The following ZCWPW2 variants were observed in gnomAD, a reference collection of about 807,000 sequenced individuals.
The protein encoded by ZCWPW2 is zinc finger CW-type and PWWP domain containing 2, also known as zinc finger CW-type PWWP domain protein 2.
ZCWPW2 carries 45 observed loss-of-function variants against 46.6 expected under a neutral mutation model. That is an observed-to-expected ratio of 0.96 (90% CI 0.76 to 1.24). The LOEUF is 1.24. Among genes scored for constraint, ZCWPW2 ranks in the 50% most tolerant of loss-of-function variants. The pLI, the probability that ZCWPW2 is intolerant of heterozygous loss-of-function variation, is 0.00. For missense variants in ZCWPW2, 429 were observed against 403.9 expected, an observed-to-expected ratio of 1.06 and a Z score of -0.53; for synonymous variants, 152 against 137.1, an observed-to-expected ratio of 1.11 and a Z score of -0.76.
chr3:28,484,713 C>T (rs1020569551), intron 5 of ZCWPW2, among the ~76,000 whole-genome samples: 1 of 149,802 alleles, frequency 6.7e-6, no homozygotes, highest in African/African-American at 2.5e-5. Flanking sequence ...TCCCTTCTTC[C>T]CTTCCTTTCT....
rs1328564102 is a variant in ZCWPW2 at position 28,365,448 on chromosome 3, T to G, written c.-134+16245T>G. On this transcript the variant is annotated intron_variant, in intron 1 of 9. Transcript: ENST00000383768. The stretch of plus-strand genomic sequence containing the variant: ...TTTTTGTCAGGTTTGTCAAAGATCA[T>G]ATGGTTGTAGATATGCAGCATTATT... Among the ~76,000 whole-genome samples the G allele has an allele frequency of 2.1e-5, 3 of 140,736 alleles. 1 individual carries two copies. The Admixed American group carries it at 2.3e-4, about 11-fold the overall frequency. The allele number at this position is 140,736 out of a possible 152,430, so 92.3% of individuals were successfully genotyped here.
At chr3:28,390,475 A>G in intron 1 of ZCWPW2, 23 bp from the exon 2 acceptor site, 36 of 985,060 alleles carry the variant, frequency 3.7e-5, no homozygotes, top group Non-Finnish European at 4.2e-5. Context: ...TAAATTTGCT[A>G]GATTGATGTA....
chr3:28,453,992 C>A (rs1482906202), intron 4 of ZCWPW2, among the ~76,000 whole-genome samples: 1 of 151,426 alleles, frequency 6.6e-6, no homozygotes, highest in Non-Finnish European at 1.5e-5. Context: ...CTACAGGCAC[C>A]CGCCACCACG....
At chr3:28,480,636 C>G (rs1699393596) in intron 5 of ZCWPW2, among the ~76,000 whole-genome samples, 1 of 152,074 alleles carries the variant, frequency 6.6e-6, no homozygotes, top group African/African-American at 2.4e-5. Context: ...TTGGTGTCTT[C>G]ATTGTGAAAT....
At chr3:28,411,884 C>G (rs1258076925) in intron 2 of ZCWPW2, among the ~76,000 whole-genome samples, 1 of 152,142 alleles carries the variant, frequency 6.6e-6, no homozygotes, top group Non-Finnish European at 1.5e-5. Context: ...CAGTGTTACA[C>G]TGAATGTTTT....
rs895084395 is a variant in ZCWPW2, at chr3:28,372,466, CTT to C, written c.-133-18026_-133-18025del. Among the ~76,000 whole-genome samples, 387 of 152,096 alleles carry C rather than the reference CTT, an allele frequency of 2.5e-3. 1 individual carries two copies. The highest frequency in any genetic ancestry group is 8.4e-3 in the African/African-American group (350 of 41,530). ...TGAAATAATAACTTTTTAAAAATAA[CTT>C]TTTTTCTTCAATTAGAAAGGTTTAA... On this transcript the variant is annotated intron_variant, in intron 1 of 9. Coordinates refer to ENST00000383768, the MANE Select transcript of ZCWPW2 (RefSeq NM_001040432.4).
At chr3:28,465,806 C>T (rs1417577280) in intron 4 of ZCWPW2, among the ~76,000 whole-genome samples, 2 of 151,738 alleles carry the variant, frequency 1.3e-5, no homozygotes, top group South Asian at 2.1e-4. Flanking sequence ...TAGGAAAAAA[C>T]GATTAAAAGC....
chr3:28,508,958 A>G (rs1700354051), intron 6 of ZCWPW2, among the ~76,000 whole-genome samples: 1 of 152,120 alleles, frequency 6.6e-6, no homozygotes, highest in Admixed American at 6.6e-5. Flanking sequence ...CAACATCACT[A>G]GCTAATTTTA....
intron 1 of ZCWPW2, among the ~76,000 whole-genome samples, chr3:28,384,594 A>G (rs1174827097): frequency 2.6e-5 from 4 of 150,956 alleles, no homozygotes; most frequent in African/African-American, 9.7e-5. Context: ...TGACACATTC[A>G]AGTTGACCAA....
At chr3:28,414,236 A>C (rs1307858238) in intron 3 of ZCWPW2, among the ~76,000 whole-genome samples, 1 of 144,432 alleles carries the variant, frequency 6.9e-6, no homozygotes, top group Non-Finnish European at 1.5e-5. Flanking sequence ...TTTTTTTCTG[A>C]AGGTATTATC....
At chr3:28,408,524 C>G (rs1022775441) in intron 2 of ZCWPW2, among the ~76,000 whole-genome samples, 2 of 152,116 alleles carry the variant, frequency 1.3e-5, no homozygotes, top group African/African-American at 2.4e-5. Flanking sequence ...ATTCTATAAA[C>G]TAGTTAGTTA....
chr3:28,496,233 T>A (rs1238174944), intron 6 of ZCWPW2, among the ~76,000 whole-genome samples: 2 of 151,906 alleles, frequency 1.3e-5, no homozygotes, highest in Non-Finnish European at 2.9e-5. Flanking sequence ...AACAGGAAAT[T>A]TGAGATGGCT....
chr3:28,467,372 G>GA (rs1217353543), intron 4 of ZCWPW2, among the ~76,000 whole-genome samples: 1 of 151,954 alleles, frequency 6.6e-6, no homozygotes, highest in Admixed American at 6.6e-5. Flanking sequence ...CAGTCAGTAA[G>GA]AAAAAGACCA....
chr3:28,435,361 C>T (rs556802018), intron 4 of ZCWPW2, 92 bp downstream of exon 4: 40 of 1,281,240 alleles, frequency 3.1e-5, no homozygotes, highest in Non-Finnish European at 4.0e-5. Context: ...GTATAAGTTG[C>T]TTTTAGATTG....
intron 1 of ZCWPW2, among the ~76,000 whole-genome samples, chr3:28,367,621 G>T (rs1218697250): frequency 1.3e-5 from 2 of 152,220 alleles, no homozygotes; most frequent in African/African-American, 4.8e-5. Context: ...TGTATATTCT[G>T]TTGATTTGGG....
rs2125776022 is a variant in ZCWPW2 at position 28,447,678 on chromosome 3, A to C, written c.492+12409A>C. 4.8e-6 allele frequency: 2 copies of C among 416,354 alleles called. 1 individual carries two copies. The highest frequency in any genetic ancestry group is 5.2e-5 in the South Asian group (2 of 38,416). The allele number at this position is 416,354 out of a possible 1,614,324, so 25.8% of individuals were successfully genotyped here. A position where few individuals can be genotyped will look rare whatever the true frequency, so the allele number is the denominator to read the frequency against. On this transcript the variant is annotated intron_variant, in intron 4 of 9. Transcript: ENST00000383768. ...CAGAGCAATTAGGCAAGAAAAAAGA[A>C]ATAAAAGATATCTAGCTTCCACGAA...
intron 4 of ZCWPW2, among the ~76,000 whole-genome samples, chr3:28,473,158 G>C (rs1699100995): frequency 6.6e-6 from 1 of 152,144 alleles, no homozygotes; most frequent in African/African-American, 2.4e-5. Flanking sequence ...AACTACTATG[G>C]AGAACAGTTT....
intron 1 of ZCWPW2, among the ~76,000 whole-genome samples, chr3:28,379,388 CA>C (rs763284767): frequency 3.8e-4 from 58 of 152,064 alleles, no homozygotes; most frequent in Non-Finnish European, 7.2e-4. Context: ...CAGCCTTAAA[CA>C]AGTGCTATAG....
intron 4 of ZCWPW2, among the ~76,000 whole-genome samples, chr3:28,475,221 G>A (rs371510596): frequency 1.3e-5 from 2 of 152,020 alleles, no homozygotes; most frequent in Non-Finnish European, 2.9e-5. Context: ...CCATCCTTTT[G>A]CCCGCTGAGT....
Sources: gnomAD v4.1 joint callset for allele counts (sites outside exome capture counted in the v4.1 genomes callset) on GRCh38, gnomAD v4.1.1 for gene constraint, MANE v1.5 for transcripts, NCBI Gene and HGNC (gene_info 2026-07-23, HGNC 2026-07-21) for gene names.